Variants in CNKSR3 observed in about 807,000 individuals in gnomAD.
CNKSR3 encodes connector enhancer of kinase suppressor of ras 3.
Under a neutral mutation model 67.7 loss-of-function variants are expected in CNKSR3, and 36 were observed. That is an observed-to-expected ratio of 0.53 (90% CI 0.41 to 0.70). The LOEUF is 0.70. Among genes scored for constraint, CNKSR3 ranks in the 30% least tolerant of loss-of-function variants. The probability of loss-of-function intolerance (pLI) is 0.00; values close to 1 mark genes in which losing one functional copy is unlikely to be tolerated. For synonymous variants in CNKSR3, 281 were observed against 271.4 expected, an observed-to-expected ratio of 1.04 and a Z score of -0.35; for missense variants, 630 against 695.2, an observed-to-expected ratio of 0.91 and a Z score of 1.05.
At chr6:154,465,260 T>C (rs1786173020) in intron 1 of CNKSR3, among the ~76,000 whole-genome samples, 2 of 149,894 alleles carry the variant, frequency 1.3e-5, no homozygotes, top group South Asian at 4.2e-4. Context: ...TAATGCAAAA[T>C]ACAATAGGGT....
chr6:154,459,099 AAG>A (rs377096710), intron 1 of CNKSR3, among the ~76,000 whole-genome samples: 1 of 151,712 alleles, frequency 6.6e-6, no homozygotes, highest in African/African-American at 2.4e-5. Flanking sequence ...AAGAAAAAGA[AAG>A]AGAGAAAGAA....
At position 154,401,336 on chromosome 6, in the gene CNKSR3, G is replaced by C. The variant is rs1357510230; in HGVS notation, c.*5018C>G. 1.3e-5 allele frequency: 2 copies of C among 152,222 alleles called. No individual in the cohort carries two copies. The highest frequency in any genetic ancestry group is 2.9e-5 in the Non-Finnish European group (2 of 68,072). The allele number at this position is 152,222 out of a possible 1,614,324, so 9.4% of individuals were successfully genotyped here. On this transcript the variant is annotated 3_prime_UTR_variant, in exon 13 of 13. Transcript: ENST00000607772. The stretch of plus-strand genomic sequence containing the variant: ...AGCGCCCTCACAAGAAGGGAAAGGA[G>C]AGCTTGCTTGCTTCCTTTCTCTCTC...
intron 7 of CNKSR3, among the ~76,000 whole-genome samples, chr6:154,424,422 A>T (rs1361688678): frequency 2.0e-5 from 3 of 152,188 alleles, no homozygotes; most frequent in Non-Finnish European, 4.4e-5. Flanking sequence ...ATCAAACATT[A>T]TCTAGAATAG....
At position 154,497,428 on chromosome 6, in the gene CNKSR3, T is replaced by C. The variant is rs112050308; in HGVS notation, c.52+12635A>G. On this transcript the variant is annotated intron_variant, in intron 1 of 12. Transcript: ENST00000607772. ...AAGAGAGAGAGAGAGAGAAATGCTA[T>C]ACATGTCAGCTGCTCACTGCTGCCT... Among the ~76,000 whole-genome samples the C allele has an allele frequency of 5.8e-4, 88 of 152,222 alleles. 1 individual carries two copies. The highest frequency in any genetic ancestry group is 3.4e-3 in the Middle Eastern group (1 of 294).
At chr6:154,482,383 T>A (rs1009763533) in intron 1 of CNKSR3, among the ~76,000 whole-genome samples, 2 of 152,130 alleles carry the variant, frequency 1.3e-5, no homozygotes, top group African/African-American at 4.8e-5. Context: ...ACATCCTAAA[T>A]CCACCATCCA....
chr6:154,419,663 G>A (rs191680813), intron 9 of CNKSR3, among the ~76,000 whole-genome samples: 317 of 152,262 alleles, frequency 2.1e-3, no homozygotes, highest in African/African-American at 7.3e-3. Context: ...AGTATGCTGA[G>A]GAGATATCTG....
chr6:154,427,258 G>C (rs564145162), intron 7 of CNKSR3, among the ~76,000 whole-genome samples: 1 of 152,256 alleles, frequency 6.6e-6, no homozygotes, highest in South Asian at 2.1e-4. Context: ...TTTATCAAAA[G>C]ATCTAGCATC....
intron 5 of CNKSR3, among the ~76,000 whole-genome samples, chr6:154,432,164 C>T (rs948382239): frequency 2.0e-5 from 3 of 152,290 alleles, no homozygotes; most frequent in East Asian, 1.9e-4. Context: ...ACCTCAGCAG[C>T]GTTTGGTGTT....
intron 1 of CNKSR3, among the ~76,000 whole-genome samples, chr6:154,470,596 T>C (rs1410474758): frequency 1.3e-5 from 2 of 152,216 alleles, no homozygotes; most frequent in African/African-American, 4.8e-5. Flanking sequence ...GGTTTATCTA[T>C]GTTGCAGCCT....
intron 9 of CNKSR3, among the ~76,000 whole-genome samples, chr6:154,416,086 G>A (rs966449690): frequency 2.6e-5 from 4 of 152,138 alleles, no homozygotes; most frequent in African/African-American, 9.7e-5. Context: ...TTCAAGATCA[G>A]CCTAGAGAAA....
intron 4 of CNKSR3, among the ~76,000 whole-genome samples, chr6:154,436,296 C>T (rs983172238): frequency 2.6e-5 from 4 of 152,200 alleles, no homozygotes; most frequent in African/African-American, 9.7e-5. Flanking sequence ...CTCAGCCTCC[C>T]AAGTAGCTGG....
In CNKSR3 at chr6:154,397,395, C is replaced by T. The variant is rs989919211; in HGVS notation, c.*8959G>A. ...GATCTTGGTTTAATTCTTTTCTTCT[C>T]TAAAAGTAGGTTTCTGTTTTTTGGA... On this transcript the variant is annotated 3_prime_UTR_variant, in exon 13 of 13. Coordinates refer to ENST00000607772, the MANE Select transcript of CNKSR3 (RefSeq NM_173515.4). 1 of 152,230 alleles carries T rather than the reference C, an allele frequency of 6.6e-6. No individual in the cohort carries two copies. Among genetic ancestry groups the T allele is most frequent in the African/African-American group, 2.4e-5 (1 of 41,464 alleles). 9.4% of individuals were successfully genotyped at this position (152,230 alleles called of 1,614,324 possible).
chr6:154,465,999 A>G (rs1786190506), intron 1 of CNKSR3, among the ~76,000 whole-genome samples: 2 of 152,236 alleles, frequency 1.3e-5, no homozygotes. Context: ...AAGCAGCCAT[A>G]TGCAACTGAC....
chr6:154,426,582 C>T (rs942364119), intron 7 of CNKSR3, among the ~76,000 whole-genome samples: 7 of 152,098 alleles, frequency 4.6e-5, no homozygotes, highest in African/African-American at 1.2e-4. Context: ...GTCTCGATCT[C>T]CTGACCTTGT....
chr6:154,412,810 T>G (rs1784936502), intron 10 of CNKSR3, among the ~76,000 whole-genome samples: 1 of 152,186 alleles, frequency 6.6e-6, no homozygotes, highest in Non-Finnish European at 1.5e-5. Context: ...AAATCCAGCC[T>G]GAACTTTGTT....
In CNKSR3 at chr6:154,399,553, C is replaced by G. The variant is rs1013690154; in HGVS notation, c.*6801G>C. ...CAGCTGGATGATCCAACTTCAAAAG[C>G]TGAGCCCCCGCCTGCTTCTATCTGC... On this transcript the variant is annotated 3_prime_UTR_variant, in exon 13 of 13. Coordinates refer to ENST00000607772, the MANE Select transcript of CNKSR3 (RefSeq NM_173515.4). 3 of 152,074 alleles carry G rather than the reference C, an allele frequency of 2.0e-5. No homozygotes were observed. The highest frequency in any genetic ancestry group is 7.2e-5 in the African/African-American group (3 of 41,386). 9.4% of individuals were successfully genotyped at this position (152,074 alleles called of 1,614,324 possible).
Position 154,430,455 on chromosome 6 carries a change from G to A in CNKSR3, c.669+17C>T, listed in dbSNP as rs1205753157. 2 of 1,587,456 alleles carry A rather than the reference G, an allele frequency of 1.3e-6. No individual in the cohort carries two copies. The highest frequency in any genetic ancestry group is 8.5e-7 in the Non-Finnish European group (1 of 1,171,840). ...TGTATGTTATCTGAAAATAAAACAA[G>A]TGTTATTAGAACTTACCAGGCCTTC... On this transcript the variant is annotated intron_variant, in intron 6 of 12. Coordinates refer to ENST00000607772, the MANE Select transcript of CNKSR3 (RefSeq NM_173515.4).
chr6:154,503,232 C>G (rs1787033270), intron 1 of CNKSR3, among the ~76,000 whole-genome samples: 1 of 152,138 alleles, frequency 6.6e-6, no homozygotes, highest in African/African-American at 2.4e-5. Flanking sequence ...CCTCCTAGGT[C>G]CTACTGAGGA....
intron 1 of CNKSR3, among the ~76,000 whole-genome samples, chr6:154,453,410 T>C (rs764693523): frequency 3.9e-5 from 6 of 152,158 alleles, no homozygotes; most frequent in Non-Finnish European, 8.8e-5. Context: ...AATTGAAGAA[T>C]ACAGAGCATT....
Sources: gnomAD v4.1 joint callset for allele counts (sites outside exome capture counted in the v4.1 genomes callset) on GRCh38, gnomAD v4.1.1 for gene constraint, MANE v1.5 for transcripts, NCBI Gene and HGNC (gene_info 2026-07-23, HGNC 2026-07-21) for gene names.